Variants in SYNJ1 observed in about 807,000 individuals in gnomAD.
The protein encoded by SYNJ1 is synaptojanin 1.
Under a neutral mutation model 168.2 loss-of-function variants are expected in SYNJ1, and 78 were observed. The ratio of observed to expected loss-of-function variants is 0.46; its 90% CI spans 0.39 to 0.56. The LOEUF (loss-of-function observed/expected upper bound fraction) is 0.56, where lower values mean the gene tolerates loss of function less well. SYNJ1 is among the 20% of genes least tolerant of loss of function. The pLI is 0.00. For synonymous variants in SYNJ1, 539 were observed against 548.6 expected (o/e 0.98, Z 0.24); for missense variants, 1,303 against 1,597.6 (o/e 0.82, Z 3.14).
rs746182035 is a variant in SYNJ1 at position 32,727,991 on chromosome 21, C to T, written c.-68G>A. 8.5e-6 allele frequency: 13 copies of T among 1,535,932 alleles called. No homozygotes were observed. The highest frequency in any genetic ancestry group is 5.2e-6 in the Non-Finnish European group (6 of 1,146,018). On this transcript the variant is annotated 5_prime_UTR_variant, in exon 1 of 33. The change creates a new upstream start codon in the 5' untranslated region. Coordinates refer to ENST00000674351, the MANE Select transcript of SYNJ1 (RefSeq NM_203446.3). The stretch of plus-strand genomic sequence containing the variant: ...CCTCCTTCTCCCGCAGCCGCCGCCA[C>T]AGCCGCCGGGAGCGTCACTTCCGCT...
intron 8 of SYNJ1, among the ~76,000 whole-genome samples, chr21:32,686,698 T>C (rs1237472711): frequency 6.6e-6 from 1 of 152,172 alleles, no homozygotes; most frequent in Non-Finnish European, 1.5e-5. Flanking sequence ...GATAAACATT[T>C]TTGGCAAGGA....
intron 4 of SYNJ1, among the ~76,000 whole-genome samples, chr21:32,699,136 T>C (rs1601465036): frequency 6.6e-6 from 1 of 152,168 alleles, no homozygotes; most frequent in East Asian, 1.9e-4. Context: ...TTGTTATCTC[T>C]AGACATAACA....
At chr21:32,655,869 C>T (rs1165086230) in intron 21 of SYNJ1, among the ~76,000 whole-genome samples, 2 of 152,166 alleles carry the variant, frequency 1.3e-5, no homozygotes, top group Non-Finnish European at 2.9e-5. Flanking sequence ...CTGCAAAAGG[C>T]AGATGGCTAG....
chr21:32,722,412 T>C (rs1201185269), intron 2 of SYNJ1, among the ~76,000 whole-genome samples: 1 of 151,834 alleles, frequency 6.6e-6, no homozygotes, highest in Non-Finnish European at 1.5e-5. Context: ...TAGCTGGGCA[T>C]GTTGGTGTGC....
intron 2 of SYNJ1, among the ~76,000 whole-genome samples, chr21:32,709,679 A>G (rs1289672895): frequency 6.6e-6 from 1 of 151,130 alleles, no homozygotes; most frequent in Non-Finnish European, 1.5e-5. Context: ...CAACACGCCC[A>G]GCTAATTTTT....
At chr21:32,658,173 T>C (rs150739810) in intron 18 of SYNJ1, among the ~76,000 whole-genome samples, 228 of 152,282 alleles carry the variant, frequency 1.5e-3, no homozygotes, top group African/African-American at 4.9e-3. Flanking sequence ...TGAGAACTTA[T>C]ATCCCTGTTT....
intron 2 of SYNJ1, among the ~76,000 whole-genome samples, chr21:32,720,995 G>C (rs988670523): frequency 6.6e-6 from 1 of 152,140 alleles, no homozygotes. Flanking sequence ...CTTTGTGTAT[G>C]TGTGTGTAAA....
chr21:32,702,130 CA>C, intron 2 of SYNJ1, 83 bp from the exon 3 acceptor site: 1 of 984,734 alleles, frequency 1.0e-6, no homozygotes, highest in Non-Finnish European at 1.5e-6. Context: ...GAGTTTCAAT[CA>C]AAAGTTTCTA....
intron 15 of SYNJ1, among the ~76,000 whole-genome samples, chr21:32,667,231 T>C (rs1421706206): frequency 2.0e-5 from 3 of 152,142 alleles, no homozygotes; most frequent in Admixed American, 1.3e-4. Context: ...TGTGCACATA[T>C]ATGTGACTAT....
chr21:32,683,964 G>A lies in SYNJ1; in HGVS notation c.1200+74C>T. 4.7e-6 allele frequency: 6 copies of A among 1,277,106 alleles called. No homozygotes were observed. The South Asian group carries it at 7.3e-5, about 16-fold the overall frequency. The allele number at this position is 1,277,106 out of a possible 1,614,324, so 79.1% of individuals were successfully genotyped here. On this transcript the variant is annotated intron_variant, in intron 10 of 32. Transcript: ENST00000674351. ...ACATACACTTTCTGGAAGGTAATAA[G>A]AAACATAAGTATTCAAAAAGCACTT...
chr21:32,641,568 A>G (rs62214740), intron 29 of SYNJ1, among the ~76,000 whole-genome samples: 1,898 of 152,200 alleles, frequency 0.012, 15 homozygotes, highest in Non-Finnish European at 0.018. Flanking sequence ...GGATTACTTT[A>G]TATCTTCATT....
At chr21:32,657,609 TTAA>T (rs1490181262) in intron 19 of SYNJ1, 104 bp downstream of exon 19, 1 of 1,033,712 alleles carries the variant, frequency 9.7e-7, no homozygotes, top group Non-Finnish European at 1.3e-6. Context: ...TCTATTCCAG[TTAA>T]TGTTTCTTGA....
intron 2 of SYNJ1, among the ~76,000 whole-genome samples, chr21:32,716,983 G>A (rs565486453): frequency 1.3e-5 from 2 of 150,772 alleles, no homozygotes; most frequent in African/African-American, 4.9e-5. Context: ...TTTTAGAGAC[G>A]GAGTCTTGCT....
At chr21:32,664,402 T>C (rs2040838295) in intron 18 of SYNJ1, among the ~76,000 whole-genome samples, 4 of 152,214 alleles carry the variant, frequency 2.6e-5, no homozygotes, top group Non-Finnish European at 5.9e-5. Flanking sequence ...CACAGGCAGA[T>C]AGCCCAGCAC....
intron 1 of SYNJ1, 121 bp from the exon 2 acceptor site, chr21:32,727,038 C>CA: frequency 7.4e-7 from 1 of 1,348,978 alleles, no homozygotes; most frequent in Non-Finnish European, 1.0e-6. Context: ...TGGGAAAAAA[C>CA]AGACAGCTCT....
At chr21:32,721,248 CTG>C (rs2043209076) in intron 2 of SYNJ1, among the ~76,000 whole-genome samples, 1 of 152,160 alleles carries the variant, frequency 6.6e-6, no homozygotes, top group African/African-American at 2.4e-5. Flanking sequence ...CTTTTCAAAA[CTG>C]AGTAATGCTA....
intron 6 of SYNJ1, among the ~76,000 whole-genome samples, chr21:32,693,304 T>A (rs1273348135): frequency 2.0e-5 from 3 of 152,194 alleles, no homozygotes; most frequent in Non-Finnish European, 4.4e-5. Flanking sequence ...GAAAGATATA[T>A]CTATTTACGT....
intron 2 of SYNJ1, among the ~76,000 whole-genome samples, chr21:32,724,028 T>C (rs1404760865): frequency 6.6e-6 from 1 of 151,746 alleles, no homozygotes; most frequent in Non-Finnish European, 1.5e-5. Context: ...AGGAAGAAGG[T>C]GTAAAAAGCA....
rs1221973455 is a variant in SYNJ1 at position 32,661,310 on chromosome 21, C to T, written c.2305-3438G>A. Among the ~76,000 whole-genome samples the T allele has an allele frequency of 6.6e-5, 10 of 152,318 alleles. No individual in the cohort carries two copies. In the East Asian group the frequency reaches 7.7e-4, roughly 12 times the overall value. On this transcript the variant is annotated intron_variant, in intron 18 of 32. Coordinates refer to ENST00000674351, the MANE Select transcript of SYNJ1 (RefSeq NM_203446.3). ...CAGCGCAATGTGAGGCAAGGCCCCA[C>T]GGTTCCACCCAGCATACAAGCTTAT...
Sources: allele counts gnomAD v4.1 joint callset (sites outside exome capture counted in the v4.1 genomes callset), GRCh38; gene constraint gnomAD v4.1.1; transcripts MANE v1.5; gene names NCBI Gene and HGNC (gene_info 2026-07-23, HGNC 2026-07-21).